ARHGEF10L: variants seen among roughly 807,000 people sequenced by gnomAD.
The protein encoded by ARHGEF10L is rho guanine nucleotide exchange factor 10-like protein.
A neutral mutation model predicts 141.2 loss-of-function variants in ARHGEF10L; 69 were observed. The ratio of observed to expected loss-of-function variants is 0.49; its 90% CI spans 0.40 to 0.60. The LOEUF is 0.60. Among genes scored for constraint, ARHGEF10L ranks in the 20% least tolerant of loss-of-function variants. The pLI, the probability that ARHGEF10L is intolerant of heterozygous loss-of-function variation, is 0.00. For synonymous variants in ARHGEF10L, 711 were observed against 718.5 expected, an observed-to-expected ratio of 0.99 and a Z score of 0.17; for missense variants, 1,482 against 1,734.3, an observed-to-expected ratio of 0.85 and a Z score of 2.58.
Position 17,673,334 on chromosome 1 carries a change from G to T in ARHGEF10L, c.3009+8739G>T, listed in dbSNP as rs569707991. ...CCACATCCCCCTCCCCTCTGAGCCC[G>T]GCAGCAGGGAGAGGGGGAGGGCAGA... On this transcript the variant is annotated intron_variant, in intron 26 of 28. Transcript: ENST00000361221. The surrounding 1 kb of genome is among the most constrained non-coding windows in gnomAD (Gnocchi z 4.1). Among the ~76,000 whole-genome samples, 2 of 152,114 alleles carry T rather than the reference G, an allele frequency of 1.3e-5. No homozygotes were observed. The highest frequency in any genetic ancestry group is 2.9e-5 in the Non-Finnish European group (2 of 68,022).
chr1:17,570,845 C>G (rs1331883205), intron 1 of ARHGEF10L, among the ~76,000 whole-genome samples: 1 of 148,690 alleles, frequency 6.7e-6, no homozygotes, highest in African/African-American at 2.5e-5. Context: ...AAGGGTGGGC[C>G]CTGGGTGTGA....
At chr1:17,599,665 G>T (rs906006989) in intron 4 of ARHGEF10L, among the ~76,000 whole-genome samples, 1 of 152,174 alleles carries the variant, frequency 6.6e-6, no homozygotes, top group Non-Finnish European at 1.5e-5. Flanking sequence ...GTCCAGAGAA[G>T]CCCTGTCCTC....
At chr1:17,563,612 A>G (rs1396159021) in intron 1 of ARHGEF10L, among the ~76,000 whole-genome samples, 1 of 152,174 alleles carries the variant, frequency 6.6e-6, no homozygotes, top group East Asian at 1.9e-4. Flanking sequence ...TGCTTAATAA[A>G]TGTGGGTTGA....
intron 26 of ARHGEF10L, 125 bp from the exon 27 acceptor site, chr1:17,687,448 T>C: frequency 9.3e-7 from 1 of 1,079,564 alleles, no homozygotes; most frequent in East Asian, 2.7e-5. Context: ...GCTGGGCTTC[T>C]AATGTTCCCT....
the ARHGEF10L span, among the ~76,000 whole-genome samples, chr1:17,516,537 C>T: frequency 6.6e-6 from 1 of 152,170 alleles, no homozygotes; most frequent in Non-Finnish European, 1.5e-5. Context: ...CTGACCTCTG[C>T]TGCTGCTGCT....
At chr1:17,555,919 T>C (rs1371453078) in intron 1 of ARHGEF10L, among the ~76,000 whole-genome samples, 1 of 151,922 alleles carries the variant, frequency 6.6e-6, no homozygotes, top group Non-Finnish European at 1.5e-5. Context: ...GGCTGAGATG[T>C]CTTGGGCAGC....
rs1214846463 is a variant in ARHGEF10L at position 17,625,970 on chromosome 1, C to T, written c.1332C>T (p.Cys444=). The part of the protein sequence containing the change: ...FLEFLKRRQV[C]SPDRVTLYGL... Reference sequence around the variant, plus strand: ...GTCTCCACCAGCGACGGCAGGTGTGCAGCCCAGACCGTGTCACCCTCTACG... The same window carrying T: ...GTCTCCACCAGCGACGGCAGGTGTGTAGCCCAGACCGTGTCACCCTCTACG... The change falls in exon 14 of 29, where the codon TGC becomes TGT. Residue 444 remains cysteine (C), a synonymous_variant. Coordinates refer to ENST00000361221, the MANE Select transcript of ARHGEF10L (RefSeq NM_018125.4). The surrounding 1 kb of genome is among the most constrained non-coding windows in gnomAD (Gnocchi z 4.5). 1.2e-6 allele frequency: 2 copies of T among 1,613,874 alleles called. No homozygotes were observed. Among genetic ancestry groups the T allele is most frequent in the Non-Finnish European group, 8.5e-7 (1 of 1,179,846 alleles).
At chr1:17,609,189 C>A (rs1246764413) in intron 7 of ARHGEF10L, among the ~76,000 whole-genome samples, 2 of 152,216 alleles carry the variant, frequency 1.3e-5, no homozygotes, top group Non-Finnish European at 2.9e-5. Flanking sequence ...TGCCTCCCAC[C>A]TTTTCTGGGC....
chr1:17,684,408 A>G (rs1230298730), intron 26 of ARHGEF10L, among the ~76,000 whole-genome samples: 2 of 152,176 alleles, frequency 1.3e-5, no homozygotes, highest in Admixed American at 6.5e-5. Context: ...TCTCCCCTAC[A>G]CAGCATGGAC....
intron 1 of ARHGEF10L, among the ~76,000 whole-genome samples, chr1:17,561,262 C>T (rs1487244262): frequency 6.6e-6 from 1 of 152,228 alleles, no homozygotes; most frequent in Non-Finnish European, 1.5e-5. Flanking sequence ...TTCCCCTGCC[C>T]TGCACCTCCC....
chr1:17,523,084 ATTTTTTTT>A, the ARHGEF10L span, among the ~76,000 whole-genome samples: 5 of 115,472 alleles, frequency 4.3e-5, no homozygotes, highest in Non-Finnish European at 8.6e-5. Context: ...TTTGTTTTCC[ATTTTTTTT>A]TTTTTTTTTT....
Position 17,634,856 on chromosome 1 carries a change from C to T in ARHGEF10L, c.1767C>T (p.Ser589=), listed in dbSNP as rs752409637. ...ACAGGGGCCAGCTGGAGATCAGCAG[C>T]CTGGTGCCCCTGGGGCCCAAGTATG... ...ANHRGQLEIS[S]LVPLGPKYVV... Residue 589 remains serine (S), a synonymous_variant, in exon 18 of 29, where the codon AGC becomes AGT. Transcript: ENST00000361221. 56 of 1,613,514 alleles carry T rather than the reference C, an allele frequency of 3.5e-5. No homozygotes were observed. The highest frequency in any genetic ancestry group is 4.5e-5 in the Non-Finnish European group (53 of 1,179,804).
chr1:17,576,103 C>T (rs1171719479), intron 1 of ARHGEF10L, among the ~76,000 whole-genome samples: 1 of 152,114 alleles, frequency 6.6e-6, no homozygotes, highest in East Asian at 1.9e-4. Context: ...TTTCAGGGCC[C>T]CCAAGTGTTT....
intron 18 of ARHGEF10L, among the ~76,000 whole-genome samples, chr1:17,635,395 G>A (rs766167614): frequency 6.6e-6 from 1 of 152,164 alleles, no homozygotes; most frequent in Non-Finnish European, 1.5e-5. Context: ...ATCAGTGCAC[G>A]TCATCCCGCC....
Position 17,656,729 on chromosome 1 carries a change from G to A in ARHGEF10L, c.2860+21G>A, listed in dbSNP as rs201376743. 7.5e-6 allele frequency: 12 copies of A among 1,603,338 alleles called. No homozygotes were observed. Among genetic ancestry groups the A allele is most frequent in the Admixed American group, 1.7e-5 (1 of 59,732 alleles). ...CAGCGGTGAGGACTGGGGGGAATGGGGGAAGGGGGGCAGTCCTGGATGCCA... is the reference window on the plus strand; with the variant it reads ...CAGCGGTGAGGACTGGGGGGAATGGAGGAAGGGGGGCAGTCCTGGATGCCA... On this transcript the variant is annotated intron_variant, in intron 25 of 28. Coordinates refer to ENST00000361221, the MANE Select transcript of ARHGEF10L (RefSeq NM_018125.4). The surrounding 1 kb of genome is among the most constrained non-coding windows in gnomAD (Gnocchi z 4.9).
chr1:17,616,157 G>A lies in ARHGEF10L; in HGVS notation c.790G>A (p.Ala264Thr), dbSNP rs763093610. 142 of 1,613,618 alleles carry A rather than the reference G, an allele frequency of 8.8e-5. No homozygotes were observed. Among genetic ancestry groups the A allele is most frequent in the Non-Finnish European group, 1.2e-4 (140 of 1,179,990 alleles). ...GGATGGGCTGGAGAAGACACGGATG[G>A]CCGTGATGCGCAAAGTCTCCTTCCT... ...TKDGLEKTRMAVMRKVSFLHR... is the reference protein window; with the variant it reads ...TKDGLEKTRMTVMRKVSFLHR... The change falls in exon 9 of 29, where the codon GCC (alanine) becomes ACC (threonine). Residue 264 changes from alanine to threonine, a missense_variant. Ala to Thr is a moderately conservative substitution (Grantham distance 58). Transcript: ENST00000361221.
rs141985845 is a variant in ARHGEF10L at position 17,569,212 on chromosome 1, A to G, written c.-43-11341A>G. ...GGGAGGATTAGGGGAGGCACCAGGC[A>G]TCCCCTGGCCTGGAGCAGTGCTCAG... On this transcript the variant is annotated intron_variant, in intron 1 of 28. Transcript: ENST00000361221. Among the ~76,000 whole-genome samples the G allele has an allele frequency of 2.2e-3, 336 of 152,116 alleles. 3 individuals carry two copies. Among genetic ancestry groups the G allele is most frequent in the Admixed American group, 7.1e-3 (109 of 15,300 alleles).
intron 10 of ARHGEF10L, among the ~76,000 whole-genome samples, chr1:17,620,257 C>T (rs1387028679): frequency 2.0e-5 from 3 of 151,218 alleles, no homozygotes; most frequent in Non-Finnish European, 4.4e-5. Context: ...GTGCTGAGGT[C>T]GGGCAGCTTT....
At chr1:17,670,969 G>C (rs1386434598) in intron 26 of ARHGEF10L, among the ~76,000 whole-genome samples, 6 of 152,366 alleles carry the variant, frequency 3.9e-5, no homozygotes, top group Non-Finnish European at 8.8e-5. Flanking sequence ...CTCCAGCCGA[G>C]TCATCCCTAC....
Sources: gnomAD v4.1 joint callset for allele counts (sites outside exome capture counted in the v4.1 genomes callset) on GRCh38, gnomAD v4.1.1 for gene constraint, Gnocchi (gnomAD v3.1) non-coding constraint, MANE v1.5 for transcripts, NCBI Gene and HGNC (gene_info 2026-07-23, HGNC 2026-07-21) for gene names.